The following NUGGC variants were observed in gnomAD, a reference collection of about 807,000 sequenced individuals.
The protein encoded by NUGGC is nuclear GTPase SLIP-GC.
Under a neutral mutation model 92.6 loss-of-function variants are expected in NUGGC, and 58 were observed. That is an observed-to-expected ratio of 0.63 (90% confidence interval 0.51 to 0.78). NUGGC has a LOEUF of 0.78. Among genes scored for constraint, NUGGC ranks in the 30% least tolerant of loss-of-function variants. The probability of loss-of-function intolerance (pLI) is 0.00; values close to 1 mark genes in which losing one functional copy is unlikely to be tolerated. For synonymous variants in NUGGC, 376 were observed against 366.4 expected (o/e 1.03, Z -0.30); for missense variants, 925 against 964.6 (o/e 0.96, Z 0.54).
chr8:28,050,837 T>C (rs959630151), intron 10 of NUGGC, among the ~76,000 whole-genome samples: 1 of 152,092 alleles, frequency 6.6e-6, no homozygotes, highest in African/African-American at 2.4e-5. Context: ...CATGACCTGA[T>C]TTTTAAAAAT....
intron 10 of NUGGC, among the ~76,000 whole-genome samples, chr8:28,047,823 A>G (rs972840472): frequency 2.0e-5 from 3 of 152,240 alleles, no homozygotes; most frequent in Non-Finnish European, 4.4e-5. Flanking sequence ...ACTGCTGCAT[A>G]GAAACTATTC....
intron 18 of NUGGC, among the ~76,000 whole-genome samples, chr8:28,025,063 G>A (rs759924714): frequency 8.1e-4 from 123 of 152,192 alleles, no homozygotes; most frequent in Non-Finnish European, 9.6e-4. Context: ...CTGACTGCCT[G>A]CCTTCCACCC....
intron 1 of NUGGC, among the ~76,000 whole-genome samples, chr8:28,080,769 A>G (rs1810830882): frequency 6.6e-6 from 1 of 152,222 alleles, no homozygotes; most frequent in Non-Finnish European, 1.5e-5. Flanking sequence ...GTGAGTGCCT[A>G]TGATGCACCA....
At chr8:28,060,255 C>T (rs1810264305) in intron 8 of NUGGC, 171 bp downstream of exon 8, 2 of 739,272 alleles carry the variant, frequency 2.7e-6, no homozygotes, top group East Asian at 5.4e-5. Flanking sequence ...ACAACCCAAC[C>T]AAGGGTCCTG....
chr8:28,026,954 G>T lies in NUGGC; in HGVS notation c.2245+8C>A, dbSNP rs747770461. 3 of 1,597,752 alleles carry T rather than the reference G, an allele frequency of 1.9e-6. No individual in the cohort carries two copies. Among genetic ancestry groups the T allele is most frequent in the Non-Finnish European group, 2.6e-6 (3 of 1,165,150 alleles). Reference sequence around the variant, plus strand: ...ATCACCCTGTATACAAAGCTTTGGCGTATTTACCTGCAAGCTCCTTGTAGA... The same window carrying T: ...ATCACCCTGTATACAAAGCTTTGGCTTATTTACCTGCAAGCTCCTTGTAGA... On this transcript the variant is annotated splice_region_variant and intron_variant, in intron 18 of 18. Coordinates refer to ENST00000413272, the MANE Select transcript of NUGGC (RefSeq NM_001010906.2).
chr8:28,083,443 C>T (rs1810898931), intron 1 of NUGGC, among the ~76,000 whole-genome samples: 1 of 152,214 alleles, frequency 6.6e-6, no homozygotes, highest in East Asian at 1.9e-4. Context: ...AACAACGCTA[C>T]AGCTAAGAGG....
At chr8:28,030,180 G>T in intron 16 of NUGGC, 130 bp downstream of exon 16, 1 of 635,106 alleles carries the variant, frequency 1.6e-6, no homozygotes. Flanking sequence ...TGCAATGTGT[G>T]GACTGAGAGT....
chr8:28,028,729 T>C (rs1042163861), intron 17 of NUGGC, among the ~76,000 whole-genome samples: 21 of 152,072 alleles, frequency 1.4e-4, no homozygotes, highest in Admixed American at 1.0e-3. Context: ...TCTTCGGGGG[T>C]AGATAAAATT....
At position 28,045,611 on chromosome 8, in the gene NUGGC, C is replaced by T. The variant is rs763566855; in HGVS notation, c.1362G>A (p.Lys454=). Residue 454 remains lysine, a synonymous_variant, in exon 12 of 19, where the codon AAG becomes AAA. Coordinates refer to ENST00000413272, the MANE Select transcript of NUGGC (RefSeq NM_001010906.2). ...EYIRKSLLDK[K]KRTVTKYVTE... is the part of the protein sequence containing the mutation. ...TCACATACTTGGTCACTGTCCTCTT[C>T]TTCTTGTCCAAGAGGCTCTTCCTGA... is the stretch of plus-strand genomic sequence containing the variant. 3 of 1,612,972 alleles carry T rather than the reference C, an allele frequency of 1.9e-6. No individual in the cohort carries two copies. Among genetic ancestry groups the T allele is most frequent in the South Asian group, 2.2e-5 (2 of 91,026 alleles).
At chr8:28,033,720 G>T in intron 13 of NUGGC, 23 bp from the exon 14 acceptor site, 1 of 1,609,128 alleles carries the variant, frequency 6.2e-7, no homozygotes, top group Non-Finnish European at 8.5e-7. Context: ...CAATAAATTA[G>T]CAGAGTTAGG....
chr8:28,041,251 C>T, intron 12 of NUGGC, 36 bp from the exon 13 acceptor site: 5 of 1,580,790 alleles, frequency 3.2e-6, no homozygotes, highest in Non-Finnish European at 3.4e-6. Context: ...CAGGCCACCC[C>T]CTCCCTAAGG....
chr8:28,068,116 GAGGA>G (rs1039747553), intron 5 of NUGGC, 96 bp downstream of exon 5: 12 of 685,362 alleles, frequency 1.8e-5, no homozygotes, highest in African/African-American at 5.4e-5. Context: ...AGGGAGGGAA[GAGGA>G]AGGAAGGAAG....
intron 17 of NUGGC, among the ~76,000 whole-genome samples, chr8:28,027,674 T>C (rs1214700436): frequency 1.3e-5 from 2 of 152,190 alleles, no homozygotes; most frequent in Non-Finnish European, 2.9e-5. Flanking sequence ...CCTACGCTTT[T>C]TCTTTAACGT....
intron 1 of NUGGC, among the ~76,000 whole-genome samples, chr8:28,081,196 G>A (rs1014983835): frequency 1.3e-5 from 2 of 152,096 alleles, no homozygotes; most frequent in African/African-American, 4.8e-5. Context: ...CAGCATGCCT[G>A]TAATTCCAGC....
At position 28,022,688 on chromosome 8, in the gene NUGGC, AC is replaced by A. The variant is rs1279100858; in HGVS notation, c.*628del. ...CATGCCTGCAATCCTAGCACAAGAGACTGAGGTGGGAGAGAATCACTTGAGG... is the reference window on the plus strand; with the variant it reads ...CATGCCTGCAATCCTAGCACAAGAGATGAGGTGGGAGAGAATCACTTGAGG... On this transcript the variant is annotated 3_prime_UTR_variant, in exon 19 of 19. Coordinates refer to ENST00000413272, the MANE Select transcript of NUGGC (RefSeq NM_001010906.2). The A allele has an allele frequency of 6.6e-6, 1 of 152,154 alleles. No homozygotes were observed. The highest frequency in any genetic ancestry group is 1.5e-5 in the Non-Finnish European group (1 of 68,034). The allele number at this position is 152,154 out of a possible 1,614,324, so 9.4% of individuals were successfully genotyped here. A position where few individuals can be genotyped will look rare whatever the true frequency, so the allele number is the denominator to read the frequency against.
intron 11 of NUGGC, 107 bp from the exon 12 acceptor site, chr8:28,045,767 T>G: frequency 1.6e-6 from 2 of 1,246,982 alleles, no homozygotes. Context: ...GAAGTAGAGT[T>G]GAGATCCCAA....
chr8:28,042,905 G>A (rs1253650269), intron 12 of NUGGC, among the ~76,000 whole-genome samples: 4 of 152,218 alleles, frequency 2.6e-5, no homozygotes, highest in Non-Finnish European at 4.4e-5. Context: ...ATCTTTAAGT[G>A]AATTGGGTTG....
At chr8:28,051,882 A>T (rs1306842045) in intron 10 of NUGGC, among the ~76,000 whole-genome samples, 1 of 152,150 alleles carries the variant, frequency 6.6e-6, no homozygotes, top group African/African-American at 2.4e-5. Flanking sequence ...AGATAGCGCC[A>T]TTGCACTCCA....
At position 28,033,641 on chromosome 8, in the gene NUGGC, A is replaced by G; in HGVS notation, c.1668T>C (p.Asn556=). 6.2e-7 allele frequency: 1 copy of G among 1,613,962 alleles called. No homozygotes were observed. Among genetic ancestry groups the G allele is most frequent in the Non-Finnish European group, 8.5e-7 (1 of 1,179,840 alleles). Residue 556 remains asparagine (N), a synonymous_variant, in exon 14 of 19, where the codon AAT becomes AAC. Coordinates refer to ENST00000413272, the MANE Select transcript of NUGGC (RefSeq NM_001010906.2). Reference sequence around the variant, plus strand: ...CCAGAGTCCTGGAGGCATAGATGCCATTTTTCAGGCAAACAGCTTTCAGGG... The same window carrying G: ...CCAGAGTCCTGGAGGCATAGATGCCGTTTTTCAGGCAAACAGCTTTCAGGG... ...HQTLKAVCLK[N]GIYASRTLAR... is the part of the protein sequence containing the mutation.
Sources: gnomAD v4.1 joint callset for allele counts (sites outside exome capture counted in the v4.1 genomes callset) on GRCh38, gnomAD v4.1.1 for gene constraint, MANE v1.5 for transcripts, NCBI Gene and HGNC (gene_info 2026-07-23, HGNC 2026-07-21) for gene names.